Variants in SERINC5 observed in about 807,000 individuals in gnomAD.
The protein encoded by SERINC5 is chromosome 5 open reading frame 12.
In SERINC5, 41 loss-of-function variants were observed where a neutral mutation model predicts 63.1. That is an observed-to-expected ratio of 0.65 (90% CI 0.51 to 0.84). SERINC5 has a LOEUF of 0.84. SERINC5 is among the 40% of genes least tolerant of loss of function. The pLI, the probability that SERINC5 is intolerant of heterozygous loss-of-function variation, is 0.00. For missense variants in SERINC5, 523 were observed against 573.0 expected (o/e 0.91, Z 0.89); for synonymous variants, 222 against 215.2 (o/e 1.03, Z -0.28).
At chr5:80,203,753 C>T (rs976215376) in intron 1 of SERINC5, among the ~76,000 whole-genome samples, 1 of 152,098 alleles carries the variant, frequency 6.6e-6, no homozygotes, top group Non-Finnish European at 1.5e-5. Flanking sequence ...GAGAGTATTT[C>T]GTTACTAATG....
At chr5:80,134,585 A>G (rs1459841621), downstream of SERINC5, among the ~76,000 whole-genome samples, 1 of 152,266 alleles carries the variant, frequency 6.6e-6, no homozygotes, top group Non-Finnish European at 1.5e-5. Flanking sequence ...CCAGGAATGA[A>G]CAAGGACAGC....
At chr5:80,251,952 C>T (rs1561457673) in intron 1 of SERINC5, among the ~76,000 whole-genome samples, 1 of 152,188 alleles carries the variant, frequency 6.6e-6, no homozygotes, top group Non-Finnish European at 1.5e-5. Context: ...GCAGCAAGCC[C>T]TCCCAATCCC....
intron 2 of SERINC5, among the ~76,000 whole-genome samples, chr5:80,183,598 T>C (rs979631172): frequency 1.3e-5 from 2 of 152,066 alleles, no homozygotes; most frequent in Admixed American, 6.5e-5. Flanking sequence ...ACTGATGACA[T>C]TCCACCATTG....
At chr5:80,229,677 G>T (rs964534453) in intron 1 of SERINC5, among the ~76,000 whole-genome samples, 3 of 152,252 alleles carry the variant, frequency 2.0e-5, no homozygotes, top group Admixed American at 1.3e-4. Context: ...GCCATATAAA[G>T]TTATAATGAT....
At chr5:80,148,143 A>G (rs1745938754) in intron 9 of SERINC5, among the ~76,000 whole-genome samples, 1 of 150,538 alleles carries the variant, frequency 6.6e-6, no homozygotes, top group African/African-American at 2.4e-5. Flanking sequence ...GGATGGAGGG[A>G]ATGCTTGCCT....
intron 1 of SERINC5, among the ~76,000 whole-genome samples, chr5:80,242,383 C>G (rs1751978575): frequency 6.6e-6 from 1 of 151,936 alleles, no homozygotes; most frequent in Non-Finnish European, 1.5e-5. Flanking sequence ...TTTGGGAGGC[C>G]AAGGTGGGTG....
intron 1 of SERINC5, among the ~76,000 whole-genome samples, chr5:80,231,772 A>C (rs1363151201): frequency 1.3e-5 from 2 of 152,170 alleles, no homozygotes; most frequent in African/African-American, 4.8e-5. Flanking sequence ...AAAACAATGA[A>C]GTTGGACCCT....
chr5:80,199,295 G>A (rs565879672), intron 2 of SERINC5, among the ~76,000 whole-genome samples: 3 of 152,280 alleles, frequency 2.0e-5, no homozygotes, highest in East Asian at 1.9e-4. Flanking sequence ...TAAATGGCTC[G>A]ATGTTTCAGT....
At chr5:80,187,927 C>A (rs941727134) in intron 2 of SERINC5, among the ~76,000 whole-genome samples, 4 of 152,168 alleles carry the variant, frequency 2.6e-5, no homozygotes, top group African/African-American at 7.2e-5. Flanking sequence ...GGAAGAAGGG[C>A]TCCTCCACAG....
chr5:80,242,102 G>A (rs964417204), intron 1 of SERINC5, among the ~76,000 whole-genome samples: 1 of 152,056 alleles, frequency 6.6e-6, no homozygotes, highest in Non-Finnish European at 1.5e-5. Context: ...CTGCACTCCA[G>A]CCTGGGCAAT....
Position 80,141,762 on chromosome 5 carries a change from A to C in SERINC5, c.*1901T>G. 2 of 985,384 alleles carry C rather than the reference A, an allele frequency of 2.0e-6. No individual in the cohort carries two copies. The highest frequency in any genetic ancestry group is 2.4e-6 in the Non-Finnish European group (2 of 829,910). 61.0% of individuals were successfully genotyped at this position (985,384 alleles called of 1,614,324 possible). A position where few individuals can be genotyped will look rare whatever the true frequency, so the allele number is the denominator to read the frequency against. ...GCTTTTCATTTTGCGACTCCAGATGAATCTTTTAACTGCTGAGTACAGAGC... is the reference window on the plus strand; with the variant it reads ...GCTTTTCATTTTGCGACTCCAGATGCATCTTTTAACTGCTGAGTACAGAGC... On this transcript the variant is annotated 3_prime_UTR_variant, in exon 12 of 12. Coordinates refer to ENST00000507668, the MANE Select transcript of SERINC5 (RefSeq NM_001174072.3).
chr5:80,164,913 T>TTTTTTTTTTTTTTTTTTTTTTTTTTTG, intron 7 of SERINC5, among the ~76,000 whole-genome samples: 1 of 133,438 alleles, frequency 7.5e-6, no homozygotes, highest in African/African-American at 2.9e-5. Context: ...TTTTTCTGTT[T>TTTTTTTTTTTTTTTTTTTTTTTTTTTG]TTTTTTTTTT....
intron 2 of SERINC5, among the ~76,000 whole-genome samples, chr5:80,197,010 A>C (rs1036619441): frequency 4.6e-5 from 7 of 152,208 alleles, no homozygotes; most frequent in Admixed American, 4.6e-4. Flanking sequence ...TAGCCACTTA[A>C]AGGAATGAAG....
chr5:80,220,638 T>C (rs1215413388), intron 1 of SERINC5, among the ~76,000 whole-genome samples: 3 of 152,016 alleles, frequency 2.0e-5, no homozygotes, highest in Admixed American at 1.3e-4. Flanking sequence ...AGTGGAGAGC[T>C]AGTTTGGGGC....
chr5:80,223,994 G>A lies in SERINC5; in HGVS notation c.28-20941C>T, dbSNP rs930164416. On this transcript the variant is annotated intron_variant, in intron 1 of 11. Coordinates refer to ENST00000507668, the MANE Select transcript of SERINC5 (RefSeq NM_001174072.3). Reference sequence around the variant, plus strand: ...TACAAAAAAAAAAAATTAACTGGGCGTGGTGGCGGGCGCCTGTAATCCTAG... The same window carrying A: ...TACAAAAAAAAAAAATTAACTGGGCATGGTGGCGGGCGCCTGTAATCCTAG... Among the ~76,000 whole-genome samples the A allele has an allele frequency of 6.6e-5, 10 of 151,606 alleles. No homozygotes were observed. In the East Asian group the frequency reaches 7.7e-4, roughly 12 times the overall value.
At chr5:80,246,169 C>G (rs1471896965) in intron 1 of SERINC5, among the ~76,000 whole-genome samples, 1 of 152,032 alleles carries the variant, frequency 6.6e-6, no homozygotes, top group African/African-American at 2.4e-5. Flanking sequence ...AGCATGGAAT[C>G]AAGAACAAAA....
rs1457966505 is a variant in SERINC5 at position 80,256,010 on chromosome 5, A to G, written c.-88T>C. ...GCCTCGCGCCTCGAGCGCTGGGCTC[A>G]GCCGCAGCTCACACTTGAACGAAGA... On this transcript the variant is annotated 5_prime_UTR_variant, in exon 1 of 12. Transcript: ENST00000507668. The G allele has an allele frequency of 5.3e-6, 7 of 1,312,286 alleles. No homozygotes were observed. Among genetic ancestry groups the G allele is most frequent in the Non-Finnish European group, 7.0e-6 (7 of 995,276 alleles). The allele number at this position is 1,312,286 out of a possible 1,614,324, so 81.3% of individuals were successfully genotyped here. A position where few individuals can be genotyped will look rare whatever the true frequency, so the allele number is the denominator to read the frequency against.
chr5:80,237,123 G>A (rs543665428), intron 1 of SERINC5, among the ~76,000 whole-genome samples: 27 of 151,588 alleles, frequency 1.8e-4, no homozygotes, highest in Non-Finnish European at 2.8e-4. Context: ...CACTGCGCCC[G>A]GCCCCAGTGT....
At chr5:80,119,147 C>G (rs572735848) in intron 11 of SERINC5, among the ~76,000 whole-genome samples, 2 of 152,090 alleles carry the variant, frequency 1.3e-5, no homozygotes, top group Non-Finnish European at 2.9e-5. Flanking sequence ...GCCAATAATG[C>G]TATGTCCCGG....
Sources: gnomAD v4.1 joint callset for allele counts (sites outside exome capture counted in the v4.1 genomes callset) on GRCh38, gnomAD v4.1.1 for gene constraint, MANE v1.5 for transcripts, NCBI Gene and HGNC (gene_info 2026-07-23, HGNC 2026-07-21) for gene names.